Variants in CDH12 observed in about 807,000 individuals in gnomAD.
CDH12 encodes cadherin 12, also known as cadherin-12.
Under a neutral mutation model 74.1 loss-of-function variants are expected in CDH12, and 41 were observed. That is an observed-to-expected ratio of 0.55 (90% confidence interval 0.43 to 0.72). The LOEUF (loss-of-function observed/expected upper bound fraction) is 0.72, where lower values mean the gene tolerates loss of function less well. Ranked by LOEUF, CDH12 falls within the 30% of genes least tolerant of loss-of-function variation. CDH12 has a pLI of 0.00. For missense variants in CDH12, 945 were observed against 977.2 expected (o/e 0.97, Z 0.44); for synonymous variants, 399 against 355.0 (o/e 1.12, Z -1.39).
chr5:21,925,217 C>T (rs531007084), intron 6 of CDH12, among the ~76,000 whole-genome samples: 34 of 152,240 alleles, frequency 2.2e-4, no homozygotes, highest in African/African-American at 8.2e-4. Context: ...CAGGCTTTTC[C>T]CTTGTGAAAA....
rs929637263 is a variant in CDH12 at position 22,804,758 on chromosome 5, A to C, written c.-523+48300T>G. ...ACACATGATTAATTATTGATTACAC[A>C]ATCAGTACCATTACTAGTACAACCT... On this transcript the variant is annotated intron_variant, in intron 1 of 14. Transcript: ENST00000382254. 5.9e-5 allele frequency among the ~76,000 whole-genome samples: 9 copies of C among 152,340 alleles called. No homozygotes were observed. The South Asian group carries it at 8.3e-4, about 14-fold the overall frequency.
intron 1 of CDH12, among the ~76,000 whole-genome samples, chr5:22,600,730 T>G (rs1239718165): frequency 2.0e-5 from 3 of 152,072 alleles, no homozygotes; most frequent in South Asian, 2.1e-4. Flanking sequence ...TTTTTTCACC[T>G]GTCTACTGTC....
chr5:21,832,099 A>G (rs944434015), intron 8 of CDH12, among the ~76,000 whole-genome samples: 1 of 152,126 alleles, frequency 6.6e-6, no homozygotes, highest in Admixed American at 6.6e-5. Context: ...TATCTTTCAG[A>G]AAAATAATTT....
At chr5:22,074,541 A>C (rs2150220945) in intron 5 of CDH12, among the ~76,000 whole-genome samples, 1 of 152,330 alleles carries the variant, frequency 6.6e-6, no homozygotes, top group South Asian at 2.1e-4. Context: ...ACAGAATGGG[A>C]GAAAATTTTT....
At chr5:22,503,252 A>C (rs1580713425) in intron 2 of CDH12, among the ~76,000 whole-genome samples, 1 of 152,128 alleles carries the variant, frequency 6.6e-6, no homozygotes, top group Non-Finnish European at 1.5e-5. Flanking sequence ...AATGAGAGTA[A>C]GTTTTGCAAA....
intron 3 of CDH12, among the ~76,000 whole-genome samples, chr5:22,345,020 G>T (rs974157529): frequency 1.3e-5 from 2 of 152,138 alleles, no homozygotes; most frequent in African/African-American, 2.4e-5. Context: ...TTTCAAAACT[G>T]CCCGTGTTCT....
Position 22,003,716 on chromosome 5 carries a change from A to C in CDH12, c.232-28331T>G, listed in dbSNP as rs543726137. Among the ~76,000 whole-genome samples the C allele has an allele frequency of 2.0e-5, 3 of 150,074 alleles. No individual in the cohort carries two copies. The East Asian group carries it at 6.0e-4, about 30-fold the overall frequency. ...TGGAGAAAAAGCACACTGGACTGTG[A>C]GCTTCTAAAGGGAATATTTCCCCAA... On this transcript the variant is annotated intron_variant, in intron 5 of 14. Coordinates refer to ENST00000382254, the MANE Select transcript of CDH12 (RefSeq NM_004061.5).
At chr5:22,706,133 A>C (rs540433026) in intron 1 of CDH12, among the ~76,000 whole-genome samples, 1 of 152,228 alleles carries the variant, frequency 6.6e-6, no homozygotes, top group South Asian at 2.1e-4. Flanking sequence ...GTTGGCTCTC[A>C]TCACTTATTT....
At chr5:21,793,081 C>T (rs1746593644) in intron 10 of CDH12, among the ~76,000 whole-genome samples, 1 of 151,390 alleles carries the variant, frequency 6.6e-6, no homozygotes, top group South Asian at 2.1e-4. Context: ...AATTTTTTTT[C>T]CTCCCATTCA....
chr5:22,158,697 C>G (rs769429269), intron 4 of CDH12, among the ~76,000 whole-genome samples: 1 of 152,150 alleles, frequency 6.6e-6, no homozygotes, highest in East Asian at 1.9e-4. Flanking sequence ...ATCATTATGA[C>G]AGAATACACT....
intron 11 of CDH12, among the ~76,000 whole-genome samples, chr5:21,776,281 C>T (rs1745583977): frequency 6.6e-6 from 1 of 152,130 alleles, no homozygotes; most frequent in Non-Finnish European, 1.5e-5. Flanking sequence ...AACTTAATTG[C>T]AGTCTTACAA....
At chr5:22,410,925 C>A (rs1436520526) in intron 2 of CDH12, among the ~76,000 whole-genome samples, 1 of 151,488 alleles carries the variant, frequency 6.6e-6, no homozygotes, top group African/African-American at 2.4e-5. Context: ...TCCAGTTGGC[C>A]AAGATTATGA....
chr5:22,698,118 A>C (rs1742475444), intron 1 of CDH12, among the ~76,000 whole-genome samples: 1 of 63,578 alleles, frequency 1.6e-5, no homozygotes, highest in Admixed American at 2.0e-4. Context: ...GCATAAAGGC[A>C]GGGCTTTTTT....
In CDH12 at chr5:22,693,907, T is replaced by G. The variant is rs929299445; in HGVS notation, c.-523+159151A>C. Among the ~76,000 whole-genome samples the G allele has an allele frequency of 4.6e-5, 7 of 152,216 alleles. No homozygotes were observed. The South Asian group carries it at 1.5e-3, about 32-fold the overall frequency. On this transcript the variant is annotated intron_variant, in intron 1 of 14. Coordinates refer to ENST00000382254, the MANE Select transcript of CDH12 (RefSeq NM_004061.5). ...ATTCCATTATTTTGAAATATTTAGT[T>G]ATTTCATCAATTTAAAAAAAAAATT...
At chr5:22,726,236 C>G (rs1412443677) in intron 1 of CDH12, among the ~76,000 whole-genome samples, 1 of 151,644 alleles carries the variant, frequency 6.6e-6, no homozygotes, top group East Asian at 1.9e-4. Flanking sequence ...ACCATTGATC[C>G]TTTGATTGTC....
chr5:21,760,183 T>C lies in CDH12; in HGVS notation c.1633+375A>G, dbSNP rs137885736. On this transcript the variant is annotated intron_variant, in intron 13 of 14. Transcript: ENST00000382254. ...CGTGTCTTTATAATACCTGCATTCT[T>C]AACCTGTGCTGTACGGTGTGTTATT... Among the ~76,000 whole-genome samples the C allele has an allele frequency of 3.2e-3, 485 of 152,266 alleles. 5 individuals carry two copies. Among genetic ancestry groups the C allele is most frequent in the African/African-American group, 0.011 (465 of 41,560 alleles).
intron 11 of CDH12, among the ~76,000 whole-genome samples, chr5:21,771,505 A>G (rs1173364044): frequency 1.3e-5 from 2 of 152,190 alleles, no homozygotes; most frequent in African/African-American, 4.8e-5. Context: ...AGGTGGATTC[A>G]AAGATTTTCT....
At chr5:22,142,592 T>C in intron 4 of CDH12, 3 of 601,728 alleles carry the variant, frequency 5.0e-6, no homozygotes, top group Admixed American at 2.6e-5. Context: ...CAGTGAGTAG[T>C]TTTTCAAAAT....
intron 4 of CDH12, among the ~76,000 whole-genome samples, chr5:22,184,467 A>G (rs748082155): frequency 6.6e-6 from 1 of 152,202 alleles, no homozygotes; most frequent in African/African-American, 2.4e-5. Flanking sequence ...TTCTTCATCC[A>G]TTCCTCAACA....
Sources: gnomAD v4.1 joint callset for allele counts (sites outside exome capture counted in the v4.1 genomes callset) on GRCh38, gnomAD v4.1.1 for gene constraint, MANE v1.5 for transcripts, NCBI Gene and HGNC (gene_info 2026-07-23, HGNC 2026-07-21) for gene names.